Variants in HPCAL1 observed in about 807,000 individuals in gnomAD.
HPCAL1 encodes hippocalcin like 1.
In HPCAL1, 8 loss-of-function variants were observed where a neutral mutation model predicts 17.1. The observed-to-expected ratio is 0.47, with a 90% CI of 0.27 to 0.84. The LOEUF (loss-of-function observed/expected upper bound fraction) is 0.84, where lower values mean the gene tolerates loss of function less well. Among genes scored for constraint, HPCAL1 ranks in the 40% least tolerant of loss-of-function variants. The probability of loss-of-function intolerance (pLI) is 0.13; values close to 1 mark genes in which losing one functional copy is unlikely to be tolerated. For synonymous variants in HPCAL1, 112 were observed against 111.4 expected (o/e 1.01, Z -0.03); for missense variants, 165 against 271.1 (o/e 0.61, Z 2.75).
chr2:10,333,448 G>A (rs1260971083), intron 1 of HPCAL1, among the ~76,000 whole-genome samples: 2 of 152,092 alleles, frequency 1.3e-5, no homozygotes, highest in Non-Finnish European at 2.9e-5. Flanking sequence ...GGCACCTCTC[G>A]GGATCCTGCT....
intron 1 of HPCAL1, among the ~76,000 whole-genome samples, chr2:10,345,053 CTT>C (rs1474867331): frequency 6.6e-6 from 1 of 151,370 alleles, no homozygotes; most frequent in Non-Finnish European, 1.5e-5. Flanking sequence ...CTCTCTCTCT[CTT>C]TCTGTCTCTC....
chr2:10,402,471 C>G (rs1159219548), intron 2 of HPCAL1, among the ~76,000 whole-genome samples: 1 of 151,972 alleles, frequency 6.6e-6, no homozygotes, highest in Non-Finnish European at 1.5e-5. Context: ...TATGAGCTGC[C>G]CCACTCCTGA....
chr2:10,341,875 G>A (rs2125444240), intron 1 of HPCAL1, among the ~76,000 whole-genome samples: 1 of 152,268 alleles, frequency 6.6e-6, no homozygotes, highest in South Asian at 2.1e-4. Flanking sequence ...AAGTTTCTCT[G>A]GGCTGGGCGT....
Position 10,346,182 on chromosome 2 carries a change from C to T in HPCAL1, c.-111+43005C>T, listed in dbSNP as rs536926045. 2.6e-5 allele frequency among the ~76,000 whole-genome samples: 4 copies of T among 151,912 alleles called. No individual in the cohort carries two copies. The East Asian group carries it at 7.7e-4, about 29-fold the overall frequency. On this transcript the variant is annotated intron_variant, in intron 1 of 4. Transcript: ENST00000307845. ...GCCTCCCAGTAGGACACTAGCACAGCTGCACTCATGTCCTTCTTTGAGGGG... is the reference window on the plus strand; with the variant it reads ...GCCTCCCAGTAGGACACTAGCACAGTTGCACTCATGTCCTTCTTTGAGGGG...
At chr2:10,309,944 A>G (rs1249492435) in intron 1 of HPCAL1, among the ~76,000 whole-genome samples, 1 of 152,206 alleles carries the variant, frequency 6.6e-6, no homozygotes, top group East Asian at 1.9e-4. Context: ...TCATGGTGGA[A>G]AGAACCAAGA....
intron 1 of HPCAL1, among the ~76,000 whole-genome samples, chr2:10,334,333 TAAAC>T (rs1664578225): frequency 6.6e-6 from 1 of 151,226 alleles, no homozygotes; most frequent in Non-Finnish European, 1.5e-5. Context: ...TTTTGTTTTT[TAAAC>T]AAACAAAAAA....
intron 1 of HPCAL1, among the ~76,000 whole-genome samples, chr2:10,374,829 T>C (rs1036989675): frequency 1.3e-5 from 2 of 152,210 alleles, no homozygotes; most frequent in African/African-American, 4.8e-5. Context: ...TGTTGTTGGC[T>C]GATGTTGGCT....
Position 10,330,913 on chromosome 2 carries a change from G to C in HPCAL1, c.-111+27736G>C, listed in dbSNP as rs151303315. Among the ~76,000 whole-genome samples the C allele has an allele frequency of 6.6e-6, 1 of 152,186 alleles. No homozygotes were observed. The highest frequency in any genetic ancestry group is 1.5e-5 in the Non-Finnish European group (1 of 68,032). On this transcript the variant is annotated intron_variant, in intron 1 of 4. Transcript: ENST00000307845. This position sits in a 1 kb window ranked among gnomAD's most constrained non-coding sequence, Gnocchi z 4.2. ...GTGCTGGTTGAGTCAGAGCTTCTGG[G>C]TGCAGCCTGGGGGTGCAGCAAGCCC...
chr2:10,407,907 C>T (rs938239969), intron 2 of HPCAL1, among the ~76,000 whole-genome samples: 1 of 152,204 alleles, frequency 6.6e-6, no homozygotes, highest in African/African-American at 2.4e-5. Context: ...TAGAAAAACG[C>T]TGTTAGAATT....
chr2:10,371,257 G>T (rs887612963), intron 1 of HPCAL1, among the ~76,000 whole-genome samples: 2 of 152,178 alleles, frequency 1.3e-5, no homozygotes, highest in Non-Finnish European at 2.9e-5. Context: ...ACTATACATT[G>T]TCTCCTTGGA....
At chr2:10,345,890 G>T (rs1270048884) in intron 1 of HPCAL1, among the ~76,000 whole-genome samples, 2 of 152,190 alleles carry the variant, frequency 1.3e-5, no homozygotes, top group East Asian at 3.8e-4. Context: ...CACAAAAGGG[G>T]CAAGGACTGC....
intron 1 of HPCAL1, among the ~76,000 whole-genome samples, chr2:10,391,715 C>T (rs1384139687): frequency 6.6e-6 from 1 of 152,146 alleles, no homozygotes; most frequent in Non-Finnish European, 1.5e-5. Flanking sequence ...CACATTTGTC[C>T]TTTTGTGTCT....
chr2:10,363,749 G>T lies in HPCAL1; in HGVS notation c.-110-33086G>T, dbSNP rs1295594752. 2.0e-5 allele frequency among the ~76,000 whole-genome samples: 3 copies of T among 152,234 alleles called. No individual in the cohort carries two copies. The highest frequency in any genetic ancestry group is 4.4e-5 in the Non-Finnish European group (3 of 68,042). ...ACAGTTTGGGCACGGCAAGGCTGGG[G>T]AGCCAGGCTTGTTTCGGATCTCCAG... On this transcript the variant is annotated intron_variant, in intron 1 of 4. Coordinates refer to ENST00000307845, the MANE Select transcript of HPCAL1 (RefSeq NM_002149.4). This position sits in a 1 kb window ranked among gnomAD's most constrained non-coding sequence, Gnocchi z 4.7.
At chr2:10,335,227 C>T (rs572986828) in intron 1 of HPCAL1, among the ~76,000 whole-genome samples, 1 of 152,292 alleles carries the variant, frequency 6.6e-6, no homozygotes, top group East Asian at 1.9e-4. Flanking sequence ...AATGGGACAT[C>T]ACTTCTGACA....
rs1350657281 is a variant in HPCAL1, at chr2:10,384,007, T to C, written c.-110-12828T>C. On this transcript the variant is annotated intron_variant, in intron 1 of 4. Transcript: ENST00000307845. This position sits in a 1 kb window ranked among gnomAD's most constrained non-coding sequence, Gnocchi z 4.4. ...GTGTACATATAATTACACATGCATA[T>C]ACATCGCGTACACACACACACCCAC... Among the ~76,000 whole-genome samples the C allele has an allele frequency of 2.6e-5, 3 of 114,036 alleles. No homozygotes were observed. The highest frequency in any genetic ancestry group is 5.3e-5 in the Non-Finnish European group (3 of 56,354). 74.8% of individuals were successfully genotyped at this position (114,036 alleles called of 152,430 possible).
intron 1 of HPCAL1, among the ~76,000 whole-genome samples, chr2:10,318,604 A>G (rs1663474033): frequency 6.6e-6 from 1 of 152,172 alleles, no homozygotes; most frequent in African/African-American, 2.4e-5. Context: ...GCAGCCGGTG[A>G]TTGGCCGGGT....
chr2:10,350,161 C>T (rs537910579), intron 1 of HPCAL1, among the ~76,000 whole-genome samples: 3 of 152,010 alleles, frequency 2.0e-5, no homozygotes, highest in Non-Finnish European at 4.4e-5. Context: ...TGGAAACAAA[C>T]GTAACTGAGT....
intron 2 of HPCAL1, among the ~76,000 whole-genome samples, chr2:10,412,412 G>T (rs1261658578): frequency 6.6e-6 from 1 of 152,218 alleles, no homozygotes; most frequent in East Asian, 1.9e-4. Flanking sequence ...ATGCTTTAGG[G>T]TCTATGCCCT....
At chr2:10,369,746 C>A (rs1405589766) in intron 1 of HPCAL1, among the ~76,000 whole-genome samples, 2 of 152,136 alleles carry the variant, frequency 1.3e-5, no homozygotes, top group Non-Finnish European at 2.9e-5. Flanking sequence ...GTCACCAGGT[C>A]CTTATTAATC....
Sources: allele counts gnomAD v4.1 joint callset (sites outside exome capture counted in the v4.1 genomes callset), GRCh38; gene constraint gnomAD v4.1.1; non-coding constraint Gnocchi (gnomAD v3.1); transcripts MANE v1.5; gene names NCBI Gene and HGNC (gene_info 2026-07-23, HGNC 2026-07-21).